Variants in HEATR4 observed in about 807,000 individuals in gnomAD.
The protein encoded by HEATR4 is HEAT repeat-containing protein 4.
A neutral mutation model predicts 108.8 loss-of-function variants in HEATR4; 95 were observed. The observed-to-expected ratio is 0.87, with a 90% confidence interval of 0.74 to 1.04. The LOEUF is 1.04. HEATR4 is among the 50% of genes least tolerant of loss of function. HEATR4 has a pLI of 0.00. For synonymous variants in HEATR4, 443 were observed against 459.4 expected, an observed-to-expected ratio of 0.96 and a Z score of 0.46; for missense variants, 1,152 against 1,253.8, an observed-to-expected ratio of 0.92 and a Z score of 1.23.
At position 73,523,202 on chromosome 14, in the gene HEATR4, G is replaced by A; in HGVS notation, c.-50C>T. ...TCCACACTGCCTGGCCTAGAGGAAA[G>A]GCCTGGAGATGAGACCTGGCACCTG... On this transcript the variant is annotated 5_prime_UTR_variant, in exon 3 of 18. Coordinates refer to ENST00000553558, the MANE Select transcript of HEATR4 (RefSeq NM_001220484.1). The A allele has an allele frequency of 6.7e-7, 1 of 1,499,146 alleles. No individual in the cohort carries two copies. The highest frequency in any genetic ancestry group is 8.9e-7 in the Non-Finnish European group (1 of 1,127,928). 92.9% of individuals were successfully genotyped at this position (1,499,146 alleles called of 1,614,324 possible).
In HEATR4 at chr14:73,523,127, G is replaced by T; in HGVS notation, c.26C>A (p.Thr9Asn). MTRTQKGK[T>N]FLPHCFYQSL... ...CTGATAGAAGCAATGGGGGAGAAAG[G>T]TCTTTCCCTTCTGGGTCCTGGTCAT... The change falls in exon 3 of 18, where the codon ACC becomes AAC. Residue 9 changes from threonine (T) to asparagine (N), a missense_variant. Coordinates refer to ENST00000553558, the MANE Select transcript of HEATR4 (RefSeq NM_001220484.1). 6.2e-7 allele frequency: 1 copy of T among 1,603,912 alleles called. No individual in the cohort carries two copies.
At chr14:73,489,389 A>C (rs1426360533) in intron 17 of HEATR4, among the ~76,000 whole-genome samples, 10 of 152,186 alleles carry the variant, frequency 6.6e-5, no homozygotes, top group Admixed American at 6.6e-4. Flanking sequence ...ATAGGCTTGC[A>C]ACTGAGAAAG....
rs560549565 is a variant in HEATR4, at chr14:73,521,352, G to A, written c.882-313C>T. Among the ~76,000 whole-genome samples, 41 of 152,180 alleles carry A rather than the reference G, an allele frequency of 2.7e-4. 1 individual carries two copies. Among genetic ancestry groups the A allele is most frequent in the African/African-American group, 9.4e-4 (39 of 41,538 alleles). On this transcript the variant is annotated intron_variant, in intron 3 of 17. Coordinates refer to ENST00000553558, the MANE Select transcript of HEATR4 (RefSeq NM_001220484.1). ...TTTTAACATTCGTACTCTTAGAGGC[G>A]GCATGGCCTTGGGGAAGGGATCCCA...
chr14:73,583,243 A>T, the HEATR4 span, among the ~76,000 whole-genome samples: 364 of 151,820 alleles, frequency 2.4e-3, 3 homozygotes, highest in African/African-American at 8.4e-3. Flanking sequence ...TTGGAGGTTG[A>T]GAGGCTGAGG....
At chr14:73,497,710 T>G (rs1023516970) in intron 14 of HEATR4, among the ~76,000 whole-genome samples, 1 of 152,058 alleles carries the variant, frequency 6.6e-6, no homozygotes, top group Non-Finnish European at 1.5e-5. Context: ...CACCGCAACC[T>G]CCACTTCCCA....
At chr14:73,500,821 G>T in intron 11 of HEATR4, 91 bp from the exon 12 acceptor site, 1 of 1,229,538 alleles carries the variant, frequency 8.1e-7, no homozygotes, top group Non-Finnish European at 1.1e-6. Context: ...TAAAATCCGG[G>T]TTCTGTAGGC....
intron 7 of HEATR4, among the ~76,000 whole-genome samples, chr14:73,510,523 C>T (rs1887187000): frequency 6.6e-6 from 1 of 152,068 alleles, no homozygotes; most frequent in Admixed American, 6.6e-5. Context: ...GCAACTTCTG[C>T]TTCCTGGGTT....
At chr14:73,561,313 C>A (rs1889528060), upstream of HEATR4, among the ~76,000 whole-genome samples, 1 of 151,500 alleles carries the variant, frequency 6.6e-6, no homozygotes, top group Non-Finnish European at 1.5e-5. Context: ...TTGCAGTGAG[C>A]CAAGATCTCG....
At chr14:73,516,228 C>T (rs1022180933) in intron 5 of HEATR4, among the ~76,000 whole-genome samples, 1 of 53,788 alleles carries the variant, frequency 1.9e-5, no homozygotes, top group Non-Finnish European at 2.9e-5. Context: ...AATGCATCTC[C>T]TCCAAATGGT....
intron 10 of HEATR4, among the ~76,000 whole-genome samples, chr14:73,504,273 C>T (rs1376921340): frequency 6.7e-6 from 1 of 149,490 alleles, no homozygotes; most frequent in Non-Finnish European, 1.5e-5. Context: ...GACGGAGCCT[C>T]GCTCTGTTGC....
At chr14:73,617,750 T>C in the HEATR4 span, among the ~76,000 whole-genome samples, 5 of 152,192 alleles carry the variant, frequency 3.3e-5, no homozygotes, top group Admixed American at 3.3e-4. Flanking sequence ...GAGAATGGTG[T>C]ATTTGATTAT....
At chr14:73,513,182 G>A (rs539920222) in intron 6 of HEATR4, among the ~76,000 whole-genome samples, 1 of 152,184 alleles carries the variant, frequency 6.6e-6, no homozygotes, top group African/African-American at 2.4e-5. Context: ...GGGTCGCCTG[G>A]GTGCAGTGGC....
intron 11 of HEATR4, among the ~76,000 whole-genome samples, chr14:73,502,555 C>CT (rs915918420): frequency 3.9e-4 from 57 of 146,542 alleles, no homozygotes; most frequent in African/African-American, 9.2e-4. Context: ...CTCCTAAGCA[C>CT]TTTTTTTTTT....
intron 16 of HEATR4, 83 bp downstream of exon 16, chr14:73,495,145 G>A (rs1886035239): frequency 8.1e-7 from 1 of 1,230,916 alleles, no homozygotes. Context: ...TCTAAGGCTT[G>A]CTACTAAGTC....
chr14:73,526,868 C>T (rs2140302032), intron 2 of HEATR4, among the ~76,000 whole-genome samples: 2 of 152,244 alleles, frequency 1.3e-5, no homozygotes, highest in African/African-American at 4.8e-5. Flanking sequence ...TGACCCAGTG[C>T]ACTGCCATCT....
chr14:73,513,868 T>C (rs1459646470), intron 6 of HEATR4, among the ~76,000 whole-genome samples, 163 bp downstream of exon 6: 1 of 151,476 alleles, frequency 6.6e-6, no homozygotes, highest in East Asian at 2.0e-4. Flanking sequence ...GAAGTTCATC[T>C]AACACCCAAT....
chr14:73,564,728 G>T, the HEATR4 span, among the ~76,000 whole-genome samples: 18,288 of 36,860 alleles, frequency 0.5, 3,517 homozygotes, highest in African/African-American at 0.57. Context: ...TCTGTTTTTT[G>T]TTTTTTTTTT....
At chr14:73,583,066 G>C in the HEATR4 span, 1 of 152,050 alleles carries the variant, frequency 6.6e-6, no homozygotes, top group African/African-American at 2.4e-5. Flanking sequence ...AGTTTTGGCT[G>C]CGCGCGGTGG....
intron 12 of HEATR4, 67 bp downstream of exon 12, chr14:73,500,483 C>T (rs1227530672): frequency 6.7e-7 from 1 of 1,495,906 alleles, no homozygotes; most frequent in Non-Finnish European, 9.2e-7. Flanking sequence ...ATACTGTGCA[C>T]AACCAGGGAA....
Sources: gnomAD v4.1 joint callset for allele counts (sites outside exome capture counted in the v4.1 genomes callset) on GRCh38, gnomAD v4.1.1 for gene constraint, MANE v1.5 for transcripts, NCBI Gene and HGNC (gene_info 2026-07-23, HGNC 2026-07-21) for gene names.